Variants in SLC35D2 observed in about 807,000 individuals in gnomAD.
SLC35D2 encodes solute carrier family 35 member D2.
SLC35D2 carries 43 observed loss-of-function variants against 41.8 expected under a neutral mutation model. That is an observed-to-expected ratio of 1.03 (90% confidence interval 0.81 to 1.33). SLC35D2 has a LOEUF of 1.33. Ranked by LOEUF, SLC35D2 falls within the 40% of genes most tolerant of loss-of-function variation. The pLI is 0.00. For synonymous variants in SLC35D2, 150 were observed against 163.9 expected (o/e 0.92, Z 0.65); for missense variants, 380 against 408.4 (o/e 0.93, Z 0.60).
chr9:96,368,113 T>C (rs777721839), intron 2 of SLC35D2, among the ~76,000 whole-genome samples, 159 bp downstream of exon 2: 38 of 152,228 alleles, frequency 2.5e-4, no homozygotes, highest in Non-Finnish European at 4.4e-4. Flanking sequence ...ATAAAATAAG[T>C]GTCAATATGT....
chr9:96,322,038 A>G lies in SLC35D2; in HGVS notation c.874T>C (p.Tyr292His), dbSNP rs761842271. The G allele has an allele frequency of 6.2e-7, 1 of 1,607,652 alleles. No homozygotes were observed. Among genetic ancestry groups the G allele is most frequent in the Non-Finnish European group, 8.5e-7 (1 of 1,174,704 alleles). ...AYIGILIGGD[Y>H]IFSLLNFVGL... ...ACAAAGTTTAACAAAGAGAAAATGT[A>G]GTCTCCACCGATTAATATCCCAATG... Residue 292 changes from tyrosine (Y) to histidine (H), a missense_variant, in exon 11 of 12, where the codon TAC (tyrosine) becomes CAC (histidine). By Grantham distance (83) the Tyr-to-His change is moderately conservative. Coordinates refer to ENST00000253270, the MANE Select transcript of SLC35D2 (RefSeq NM_007001.3).
At chr9:96,366,421 G>A (rs1471318059) in intron 2 of SLC35D2, among the ~76,000 whole-genome samples, 1 of 151,198 alleles carries the variant, frequency 6.6e-6, no homozygotes, top group Non-Finnish European at 1.5e-5. Flanking sequence ...TCAACAAATT[G>A]CAAATCAGAA....
At chr9:96,356,474 G>C (rs1264946220) in intron 4 of SLC35D2, among the ~76,000 whole-genome samples, 2 of 128,016 alleles carry the variant, frequency 1.6e-5, no homozygotes, top group East Asian at 4.7e-4. Context: ...AAACTATCTT[G>C]AAAAAGAAGA....
rs573550255 is a variant in SLC35D2, at chr9:96,329,061, C to T, written c.753-4892G>A. On this transcript the variant is annotated intron_variant, in intron 9 of 11. Coordinates refer to ENST00000253270, the MANE Select transcript of SLC35D2 (RefSeq NM_007001.3). ...TGAAATCGCGTCACTGCATTCTAGC[C>T]TGGGCAAACAGAGTGAGACTCCATC... Among the ~76,000 whole-genome samples, 12 of 147,482 alleles carry T rather than the reference C, an allele frequency of 8.1e-5. No homozygotes were observed. In the South Asian group the frequency reaches 2.4e-3, roughly 29 times the overall value.
chr9:96,356,384 T>C lies in SLC35D2; in HGVS notation c.347+3770A>G, dbSNP rs999872059. The stretch of plus-strand genomic sequence containing the variant: ...AATCTTAGCTGGCTTTATTTATTCT[T>C]TTTTTTTTTTTTTTTTTTTGCAGAA... On this transcript the variant is annotated intron_variant, in intron 4 of 11. Transcript: ENST00000253270. Among the ~76,000 whole-genome samples, 323 of 136,506 alleles carry C rather than the reference T, an allele frequency of 2.4e-3. 1 individual carries two copies. Among genetic ancestry groups the C allele is most frequent in the African/African-American group, 9.3e-3 (304 of 32,592 alleles). The allele number at this position is 136,506 out of a possible 152,430, so 89.6% of individuals were successfully genotyped here.
chr9:96,319,233 C>G (rs1199892244), downstream of SLC35D2, among the ~76,000 whole-genome samples: 1 of 152,174 alleles, frequency 6.6e-6, no homozygotes, highest in Non-Finnish European at 1.5e-5. Flanking sequence ...TGATATGGTG[C>G]TAAGTGAATA....
intron 9 of SLC35D2, among the ~76,000 whole-genome samples, chr9:96,329,871 T>C (rs1828729548): frequency 6.6e-6 from 1 of 152,146 alleles, no homozygotes; most frequent in Non-Finnish European, 1.5e-5. Flanking sequence ...ACGGAACCAA[T>C]AGAACACACA....
intron 8 of SLC35D2, among the ~76,000 whole-genome samples, chr9:96,338,211 A>C (rs1054738787): frequency 4.6e-5 from 7 of 152,290 alleles, no homozygotes; most frequent in African/African-American, 1.4e-4. Context: ...TCTATTAAGC[A>C]ATACTTTGTT....
At position 96,364,526 on chromosome 9, in the gene SLC35D2, A is replaced by G; in HGVS notation, c.217T>C (p.Tyr73His). ...ATGATTTTGTTTAGCTTGGACACAT[A>G]TAGTATCATTATGGTGGCTGCCATC... is the stretch of plus-strand genomic sequence containing the variant. ...GQMAATIMIL[Y>H]VSKLNKIIHF... Residue 73 changes from tyrosine to histidine, a missense_variant, in exon 3 of 12, where the codon TAT (tyrosine) becomes CAT (histidine). Tyr to His is a moderately conservative substitution (Grantham distance 83). Transcript: ENST00000253270. 6.2e-7 allele frequency: 1 copy of G among 1,606,234 alleles called. No homozygotes were observed. Among genetic ancestry groups the G allele is most frequent in the East Asian group, 2.2e-5 (1 of 44,800 alleles).
chr9:96,378,152 A>G (rs1831033804), intron 1 of SLC35D2, among the ~76,000 whole-genome samples: 1 of 152,088 alleles, frequency 6.6e-6, no homozygotes, highest in East Asian at 1.9e-4. Flanking sequence ...ACTGTGTCTA[A>G]ACCAGGCACA....
intron 8 of SLC35D2, 44 bp from the exon 9 acceptor site, chr9:96,336,828 T>G: frequency 8.7e-7 from 1 of 1,147,742 alleles, no homozygotes; most frequent in Non-Finnish European, 1.3e-6. Flanking sequence ...TTAATAATAC[T>G]GCAGTTTAAA....
intron 7 of SLC35D2, among the ~76,000 whole-genome samples, chr9:96,344,936 A>G (rs1403328015): frequency 6.6e-6 from 1 of 152,140 alleles, no homozygotes; most frequent in Non-Finnish European, 1.5e-5. Flanking sequence ...AAGTAGAAAA[A>G]CTTGTGTCTG....
intron 8 of SLC35D2, among the ~76,000 whole-genome samples, chr9:96,342,212 G>C (rs1265417867): frequency 1.3e-5 from 2 of 151,954 alleles, no homozygotes; most frequent in Non-Finnish European, 2.9e-5. Context: ...CCAGGTTCAA[G>C]TGATTCTCCT....
intron 6 of SLC35D2, among the ~76,000 whole-genome samples, chr9:96,346,768 ATT>A (rs1829593648): frequency 6.6e-6 from 1 of 151,844 alleles, no homozygotes; most frequent in African/African-American, 2.4e-5. Flanking sequence ...CTACAAATAT[ATT>A]TGTGAGAAGG....
At chr9:96,328,227 G>C (rs1378194779) in intron 9 of SLC35D2, among the ~76,000 whole-genome samples, 2 of 132,886 alleles carry the variant, frequency 1.5e-5, no homozygotes, top group African/African-American at 6.2e-5. Flanking sequence ...TGAATTCTTA[G>C]TAACCTTTTT....
chr9:96,369,763 G>A (rs1231184340), intron 1 of SLC35D2, among the ~76,000 whole-genome samples: 3 of 152,120 alleles, frequency 2.0e-5, no homozygotes, highest in East Asian at 1.9e-4. Flanking sequence ...AGGCAGGACC[G>A]CACCTGCACT....
At chr9:96,324,845 G>A (rs557648636) in intron 9 of SLC35D2, among the ~76,000 whole-genome samples, 49 of 152,242 alleles carry the variant, frequency 3.2e-4, no homozygotes, top group African/African-American at 7.9e-4. Flanking sequence ...GTGAGCCACC[G>A]CGCCTGGCCC....
At chr9:96,317,557 G>A (rs7022327), downstream of SLC35D2, among the ~76,000 whole-genome samples, 80,804 of 151,608 alleles carry the variant, frequency 0.53, 21,707 homozygotes, top group African/African-American at 0.6. Context: ...CTGGCCACAC[G>A]TGGAAGCAAG....
At chr9:96,316,607 C>A (rs1443142383), downstream of SLC35D2, among the ~76,000 whole-genome samples, 1 of 152,176 alleles carries the variant, frequency 6.6e-6, no homozygotes, top group African/African-American at 2.4e-5. Context: ...TGACAGTCTG[C>A]ATTTCTAAGA....
Sources: allele counts gnomAD v4.1 joint callset (sites outside exome capture counted in the v4.1 genomes callset), GRCh38; gene constraint gnomAD v4.1.1; transcripts MANE v1.5; gene names NCBI Gene and HGNC (gene_info 2026-07-23, HGNC 2026-07-21).